The following HYDIN variants were observed in gnomAD, a reference collection of about 807,000 sequenced individuals.
HYDIN encodes axonemal central pair apparatus protein HYDIN.
HYDIN carries 132 observed loss-of-function variants against 403.9 expected under a neutral mutation model. That is an observed-to-expected ratio of 0.33 (90% CI 0.28 to 0.38). The LOEUF is 0.38. Ranked by LOEUF, HYDIN falls within the 10% of genes least tolerant of loss-of-function variation. The pLI is 1.00. For missense variants in HYDIN, 2,827 were observed against 5,009.5 expected, an observed-to-expected ratio of 0.56 and a Z score of 13.15; for synonymous variants, 1,202 against 1,891.7, an observed-to-expected ratio of 0.64 and a Z score of 9.46.
intron 1 of HYDIN, among the ~76,000 whole-genome samples, chr16:71,188,690 T>C (rs1192795650): frequency 6.6e-6 from 1 of 152,160 alleles, no homozygotes; most frequent in Non-Finnish European, 1.5e-5. Flanking sequence ...TAAACTACTC[T>C]TAGTAAGACC....
intron 83 of HYDIN, among the ~76,000 whole-genome samples, chr16:70,824,860 CTTTT>C (rs1040098053): frequency 6.8e-6 from 1 of 146,558 alleles, no homozygotes; most frequent in African/African-American, 2.5e-5. Flanking sequence ...TTTTTTTTTT[CTTTT>C]TTTTGAGACA....
chr16:71,217,614 T>C (rs745609692), intron 1 of HYDIN, among the ~76,000 whole-genome samples: 2 of 152,210 alleles, frequency 1.3e-5, no homozygotes, highest in African/African-American at 2.4e-5. Flanking sequence ...ACCTGACCTA[T>C]GGAGCCGAGC....
chr16:70,930,268 G>A (rs1312827292), intron 45 of HYDIN, among the ~76,000 whole-genome samples: 1 of 152,238 alleles, frequency 6.6e-6, no homozygotes, highest in Non-Finnish European at 1.5e-5. Flanking sequence ...GTCACCTGAG[G>A]TCAGGAGTTC....
intron 36 of HYDIN, among the ~76,000 whole-genome samples, chr16:70,969,746 G>T (rs1341278845): frequency 1.3e-5 from 2 of 151,940 alleles, no homozygotes; most frequent in East Asian, 3.9e-4. Context: ...TCTTTCCTCT[G>T]GGGTCTTCAA....
intron 83 of HYDIN, among the ~76,000 whole-genome samples, chr16:70,821,750 A>G (rs1236117745): frequency 6.6e-6 from 1 of 151,874 alleles, no homozygotes; most frequent in Non-Finnish European, 1.5e-5. Context: ...TTAAAAACTA[A>G]TTTTTTAAAA....
intron 85 of HYDIN, 114 bp from the exon 86 acceptor site, chr16:70,808,176 G>A: frequency 8.4e-7 from 1 of 1,197,224 alleles, no homozygotes; most frequent in South Asian, 1.5e-5. Flanking sequence ...GTCTGTGTGA[G>A]ACTGGGAATG....
chr16:70,886,599 A>G (rs1469076519), intron 58 of HYDIN, among the ~76,000 whole-genome samples: 1 of 152,208 alleles, frequency 6.6e-6, no homozygotes, highest in African/African-American at 2.4e-5. Context: ...CTTATAGGGT[A>G]AGTCTACTGG....
chr16:71,167,124 A>G (rs1429295987), intron 5 of HYDIN, among the ~76,000 whole-genome samples: 2 of 151,764 alleles, frequency 1.3e-5, no homozygotes, highest in African/African-American at 2.4e-5. Flanking sequence ...TTAAAAATTG[A>G]GTTGTTAGAC....
intron 35 of HYDIN, 85 bp from the exon 36 acceptor site, chr16:70,970,844 C>T (rs1393847372): frequency 6.0e-5 from 80 of 1,341,624 alleles, no homozygotes; most frequent in Non-Finnish European, 7.6e-5. Context: ...GGGGAAAAAA[C>T]TTATCTATTT....
At chr16:70,894,411 G>A (rs1774433) in intron 55 of HYDIN, 38 bp downstream of exon 55, 49 of 1,610,764 alleles carry the variant, frequency 3.0e-5, no homozygotes, top group South Asian at 4.4e-5. Context: ...TCCCCACGGC[G>A]GACTTGATGG....
At chr16:71,139,858 G>A (rs1173556912) in intron 7 of HYDIN, among the ~76,000 whole-genome samples, 1 of 151,290 alleles carries the variant, frequency 6.6e-6, no homozygotes, top group East Asian at 1.9e-4. Flanking sequence ...AATTTTGTTT[G>A]GAATTAAAGA....
intron 27 of HYDIN, among the ~76,000 whole-genome samples, chr16:70,986,475 G>C (rs2079197071): frequency 6.6e-6 from 1 of 152,252 alleles, no homozygotes; most frequent in Admixed American, 6.5e-5. Context: ...GATGGTCTCA[G>C]TAGGTGCTGG....
At chr16:71,039,768 A>G (rs543406254) in intron 18 of HYDIN, among the ~76,000 whole-genome samples, 36 of 152,178 alleles carry the variant, frequency 2.4e-4, no homozygotes, top group African/African-American at 8.0e-4. Flanking sequence ...CACATTTACC[A>G]TCCTTAAATT....
At chr16:70,839,827 C>A (rs1333912973) in intron 76 of HYDIN, among the ~76,000 whole-genome samples, 1 of 140,758 alleles carries the variant, frequency 7.1e-6, no homozygotes, top group Non-Finnish European at 1.5e-5. Flanking sequence ...CTCATTAGGT[C>A]CTTTGGCATT....
chr16:71,228,547 A>C (rs2041140806), intron 1 of HYDIN, among the ~76,000 whole-genome samples: 1 of 152,266 alleles, frequency 6.6e-6, no homozygotes, highest in African/African-American at 2.4e-5. Context: ...GCCAACAGAC[A>C]CATGAAAAAA....
At chr16:71,200,843 C>G (rs1470094410) in intron 1 of HYDIN, among the ~76,000 whole-genome samples, 1 of 152,160 alleles carries the variant, frequency 6.6e-6, no homozygotes, top group Non-Finnish European at 1.5e-5. Flanking sequence ...CTCAGACACC[C>G]TGGGGAAAGG....
At chr16:71,019,952 T>G (rs2080419790) in intron 22 of HYDIN, among the ~76,000 whole-genome samples, 1 of 152,282 alleles carries the variant, frequency 6.6e-6, no homozygotes, top group Non-Finnish European at 1.5e-5. Flanking sequence ...ATCCTGGTTC[T>G]GCCACTTACT....
intron 6 of HYDIN, among the ~76,000 whole-genome samples, chr16:71,153,422 T>TG (rs1567381705): frequency 1.3e-5 from 2 of 150,938 alleles, no homozygotes; most frequent in African/African-American, 4.9e-5. Flanking sequence ...ACAGTAGCGC[T>TG]GCCACAAAAG....
In HYDIN at chr16:71,130,533, T is replaced by G. The variant is rs1043681860; in HGVS notation, c.1044-710A>C. Among the ~76,000 whole-genome samples, 3 of 131,916 alleles carry G rather than the reference T, an allele frequency of 2.3e-5. No homozygotes were observed. In the Admixed American group the frequency reaches 2.7e-4, roughly 12 times the overall value. 86.5% of individuals were successfully genotyped at this position (131,916 alleles called of 152,430 possible). On this transcript the variant is annotated intron_variant, in intron 8 of 85. Coordinates refer to ENST00000393567, the MANE Select transcript of HYDIN (RefSeq NM_001270974.2). ...TCTCGCTCTGTCGCCCAGGCCGGACTGCGGACTGCAGTGGCGCAATCTCGG... is the reference window on the plus strand; with the variant it reads ...TCTCGCTCTGTCGCCCAGGCCGGACGGCGGACTGCAGTGGCGCAATCTCGG...
Sources: allele counts gnomAD v4.1 joint callset (sites outside exome capture counted in the v4.1 genomes callset), GRCh38; gene constraint gnomAD v4.1.1; transcripts MANE v1.5; gene names NCBI Gene and HGNC (gene_info 2026-07-23, HGNC 2026-07-21).